Variants in ITCH observed in about 807,000 individuals in gnomAD.
ITCH encodes the protein E3 ubiquitin-protein ligase Itchy homolog.
Under a neutral mutation model 126.8 loss-of-function variants are expected in ITCH, and 28 were observed. The ratio of observed to expected loss-of-function variants is 0.22; its 90% CI spans 0.16 to 0.30. ITCH has a LOEUF of 0.30. ITCH is among the 10% of genes least tolerant of loss of function. ITCH has a pLI of 1.00. For missense variants in ITCH, 631 were observed against 1,032.4 expected (o/e 0.61, Z 5.33); for synonymous variants, 342 against 340.0 (o/e 1.01, Z -0.06).
intron 11 of ITCH, among the ~76,000 whole-genome samples, chr20:34,447,644 G>GT (rs1448982020): frequency 9.9e-5 from 15 of 152,162 alleles, no homozygotes; most frequent in Non-Finnish European, 1.9e-4. Flanking sequence ...AAAATTGTCA[G>GT]TACAGTATGT....
intron 21 of ITCH, 133 bp downstream of exon 21, chr20:34,489,519 C>A (rs1989367605): frequency 2.0e-5 from 17 of 851,568 alleles, no homozygotes; most frequent in Middle Eastern, 4.6e-4. Context: ...TTGAAACATC[C>A]CCAATGGTTA....
chr20:34,430,430 T>G (rs574220675), intron 7 of ITCH, among the ~76,000 whole-genome samples: 2 of 152,320 alleles, frequency 1.3e-5, no homozygotes, highest in South Asian at 2.1e-4. Context: ...GGAATTTTTT[T>G]TTTTTAAAGG....
intron 4 of ITCH, 101 bp from the exon 5 acceptor site, chr20:34,412,414 G>T: frequency 1.1e-6 from 1 of 882,496 alleles, no homozygotes. Flanking sequence ...AAGGGGTGCA[G>T]TGAGAAGACT....
chr20:34,375,951 A>T (rs201461405), intron 2 of ITCH, among the ~76,000 whole-genome samples: 2 of 152,016 alleles, frequency 1.3e-5, no homozygotes, highest in East Asian at 1.9e-4. Flanking sequence ...CTTACTATTG[A>T]CCTTGGGGAG....
rs200486269 is a variant in ITCH, at chr20:34,454,817, GTTTTTTTTTTTTTTT to G, written c.1211-2558_1211-2544del. 5.3e-3 allele frequency among the ~76,000 whole-genome samples: 584 copies of G among 109,500 alleles called. 2 individuals carry two copies. Among genetic ancestry groups the G allele is most frequent in the Middle Eastern group, 9.4e-3 (2 of 212 alleles). The allele number at this position is 109,500 out of a possible 152,430, so 71.8% of individuals were successfully genotyped here. A position where few individuals can be genotyped will look rare whatever the true frequency, so the allele number is the denominator to read the frequency against. ...ACCAATTTTTCTTTTTTCTTTTCCTGTTTTTTTTTTTTTTTTTTTTTTTTTTTTTGAGATGGAGTT... is the reference window on the plus strand; with the variant it reads ...ACCAATTTTTCTTTTTTCTTTTCCTGTTTTTTTTTTTTTTGAGATGGAGTT... On this transcript the variant is annotated intron_variant, in intron 12 of 24. Coordinates refer to ENST00000374864, the MANE Select transcript of ITCH (RefSeq NM_031483.7).
At chr20:34,472,017 A>T (rs1987680822) in intron 16 of ITCH, among the ~76,000 whole-genome samples, 1 of 152,146 alleles carries the variant, frequency 6.6e-6, no homozygotes, top group Non-Finnish European at 1.5e-5. Flanking sequence ...GACAGTATCT[A>T]AAAAAAGATA....
At chr20:34,372,590 C>T (rs1209376638) in intron 2 of ITCH, among the ~76,000 whole-genome samples, 1 of 151,870 alleles carries the variant, frequency 6.6e-6, no homozygotes, top group East Asian at 2.0e-4. Flanking sequence ...CCGTGCTAGC[C>T]AGGATGGTCT....
intron 2 of ITCH, among the ~76,000 whole-genome samples, chr20:34,381,553 G>A (rs1288772180): frequency 2.6e-5 from 4 of 151,724 alleles, no homozygotes; most frequent in Non-Finnish European, 5.9e-5. Context: ...CAGACTCCCG[G>A]GTAGCTGGGA....
chr20:34,463,420 C>T (rs903569071), intron 14 of ITCH, among the ~76,000 whole-genome samples: 1 of 152,144 alleles, frequency 6.6e-6, no homozygotes, highest in Non-Finnish European at 1.5e-5. Context: ...ACTTTTGTAT[C>T]TGTACCCAAA....
chr20:34,466,673 G>T (rs932612811), intron 14 of ITCH, among the ~76,000 whole-genome samples: 2 of 152,046 alleles, frequency 1.3e-5, no homozygotes, highest in Admixed American at 6.6e-5. Context: ...AGTCCAGCAG[G>T]ACTTACACCA....
chr20:34,447,546 T>C (rs1984616999), intron 11 of ITCH, among the ~76,000 whole-genome samples: 1 of 152,184 alleles, frequency 6.6e-6, no homozygotes, highest in Admixed American at 6.5e-5. Flanking sequence ...TAAAACACTG[T>C]GAAATGGTTC....
At chr20:34,389,358 A>C (rs927258274) in intron 2 of ITCH, among the ~76,000 whole-genome samples, 1 of 152,044 alleles carries the variant, frequency 6.6e-6, no homozygotes, top group East Asian at 1.9e-4. Context: ...ATATAAGTGG[A>C]TCTGTGCAGT....
chr20:34,456,172 GTGTGTGTGTGTGTATATATATATATA>G (rs1237204372), intron 12 of ITCH, among the ~76,000 whole-genome samples: 208 of 34,282 alleles, frequency 6.1e-3, no homozygotes, highest in South Asian at 0.017. Context: ...GTGTGTGTGT[GTGTGTGTGTGTGTATATATATATATA>G]TATATATATA....
intron 2 of ITCH, among the ~76,000 whole-genome samples, chr20:34,389,105 C>T (rs2038396045): frequency 6.6e-6 from 1 of 152,074 alleles, no homozygotes; most frequent in Non-Finnish European, 1.5e-5. Flanking sequence ...AAAGTCCTTC[C>T]CATAGACTTG....
intron 16 of ITCH, among the ~76,000 whole-genome samples, chr20:34,475,503 A>T (rs555971560): frequency 4.6e-5 from 7 of 152,236 alleles, no homozygotes; most frequent in African/African-American, 1.7e-4. Flanking sequence ...AAAAATACGA[A>T]AACCAGTCAG....
chr20:34,451,214 C>T (rs1239466904), intron 12 of ITCH, among the ~76,000 whole-genome samples: 2 of 150,376 alleles, frequency 1.3e-5, no homozygotes, highest in East Asian at 2.0e-4. Context: ...CACTTGAACC[C>T]GGGAGGCGGA....
chr20:34,426,402 T>G (rs1174871189), intron 7 of ITCH, among the ~76,000 whole-genome samples: 1 of 152,148 alleles, frequency 6.6e-6, no homozygotes, highest in Non-Finnish European at 1.5e-5. Flanking sequence ...GTTTATTGTA[T>G]TAGTCTATCT....
chr20:34,419,152 C>G (rs1980395891), intron 6 of ITCH, among the ~76,000 whole-genome samples: 1 of 152,262 alleles, frequency 6.6e-6, no homozygotes, highest in East Asian at 1.9e-4. Flanking sequence ...ATGATATGGT[C>G]ATTGTGAATT....
intron 24 of ITCH, among the ~76,000 whole-genome samples, chr20:34,505,986 T>C (rs1454862675): frequency 1.3e-5 from 2 of 152,230 alleles, no homozygotes; most frequent in Non-Finnish European, 2.9e-5. Flanking sequence ...ACATAGAATT[T>C]ACCATTTTTA....
Sources: gnomAD v4.1 joint callset for allele counts (sites outside exome capture counted in the v4.1 genomes callset) on GRCh38, gnomAD v4.1.1 for gene constraint, MANE v1.5 for transcripts, NCBI Gene and HGNC (gene_info 2026-07-23, HGNC 2026-07-21) for gene names.